The following ASH1L variants were observed in gnomAD, a reference collection of about 807,000 sequenced individuals.
ASH1L encodes the protein ASH1 like histone lysine methyltransferase.
A neutral mutation model predicts 269.0 loss-of-function variants in ASH1L; 23 were observed. That is an observed-to-expected ratio of 0.09 (90% CI 0.06 to 0.12). The LOEUF (loss-of-function observed/expected upper bound fraction) is 0.12. ASH1L is among the 10% of genes least tolerant of loss of function. ASH1L has a pLI of 1.00. For missense variants in ASH1L, 2,912 were observed against 3,567.8 expected, an observed-to-expected ratio of 0.82 and a Z score of 4.68; for synonymous variants, 1,187 against 1,253.5, an observed-to-expected ratio of 0.95 and a Z score of 1.12.
intron 12 of ASH1L, 85 bp downstream of exon 12, chr1:155,370,419 G>C: frequency 6.4e-7 from 1 of 1,557,524 alleles, no homozygotes; most frequent in East Asian, 2.2e-5. Context: ...TGTGTAAGCT[G>C]ACTGACACTG....
chr1:155,419,262 T>G (rs1264534050), intron 5 of ASH1L: 1 of 151,680 alleles, frequency 6.6e-6, no homozygotes, highest in Non-Finnish European at 1.5e-5. Context: ...TAAAAAAGTT[T>G]AGATCTCATA....
rs376400001 is a variant in ASH1L at position 155,492,507 on chromosome 1, G to A, written c.421-10058C>T. 4.6e-5 allele frequency among the ~76,000 whole-genome samples: 7 copies of A among 152,104 alleles called. No individual in the cohort carries two copies. In the East Asian group the frequency reaches 1.4e-3, roughly 29 times the overall value. ...AAGCAGCCTTTATTCCAAAAGGTTT[G>A]CTCATTGTTCTAAGAACATTGCTCA... On this transcript the variant is annotated intron_variant, in intron 2 of 27. Coordinates refer to ENST00000392403, the MANE Select transcript of ASH1L (RefSeq NM_018489.3).
chr1:155,479,028 T>C lies in ASH1L; in HGVS notation c.3842A>G (p.Asn1281Ser). The change falls in exon 3 of 28, where the codon AAT becomes AGT. Residue 1281 changes from asparagine (N) to serine (S), a missense_variant. Physicochemically the swap from Asn to Ser is conservative, Grantham distance 46. This residue lies in a region of ASH1L where 789 missense variants were observed against 897.6 expected (regional missense o/e 0.88). Transcript: ENST00000392403. ...TGCAATAAAGTCTGGATCCTGTCTA[T>C]TTCGAAGCTGGGGATATTTCTTTTT... ...KRKKKYPQLRNRQDPDFIAEL... is the reference protein window; with the variant it reads ...KRKKKYPQLRSRQDPDFIAEL... 6.2e-7 allele frequency: 1 copy of C among 1,613,908 alleles called. No homozygotes were observed. The highest frequency in any genetic ancestry group is 8.5e-7 in the Non-Finnish European group (1 of 1,180,026).
intron 7 of ASH1L, among the ~76,000 whole-genome samples, chr1:155,380,398 T>C (rs918685547): frequency 2.0e-5 from 3 of 151,986 alleles, no homozygotes; most frequent in Non-Finnish European, 4.4e-5. Context: ...TTATTAAATA[T>C]TTTATTATTA....
intron 21 of ASH1L, 191 bp downstream of exon 21, chr1:155,346,192 C>T (rs1653299527): frequency 6.7e-7 from 1 of 1,502,760 alleles, no homozygotes; most frequent in Non-Finnish European, 8.9e-7. Flanking sequence ...ATTTTATTTT[C>T]CCTTTGGTCA....
chr1:155,356,781 C>T (rs1654428158), intron 15 of ASH1L, among the ~76,000 whole-genome samples: 1 of 151,796 alleles, frequency 6.6e-6, no homozygotes, highest in African/African-American at 2.4e-5. Context: ...AATGTTATTT[C>T]ATTTAGAAAT....
intron 12 of ASH1L, among the ~76,000 whole-genome samples, chr1:155,366,935 G>T (rs550696537): frequency 6.7e-6 from 1 of 150,276 alleles, no homozygotes; most frequent in East Asian, 2.0e-4. Flanking sequence ...CTTGGCCTCT[G>T]AAAGTGCTGA....
chr1:155,428,729 C>T (rs1661372392), intron 5 of ASH1L, among the ~76,000 whole-genome samples: 1 of 152,224 alleles, frequency 6.6e-6, no homozygotes, highest in Non-Finnish European at 1.5e-5. Context: ...CCAAACCCAT[C>T]CCTTTATTTC....
chr1:155,365,308 C>G lies in ASH1L; in HGVS notation c.6687-4899G>C, dbSNP rs181797914. ...GCAACCTCCACCTCCTGGGTTCAAG[C>G]GATTCTCCTGCCTCAGCCTCCTGAG... On this transcript the variant is annotated intron_variant, in intron 12 of 27. Coordinates refer to ENST00000392403, the MANE Select transcript of ASH1L (RefSeq NM_018489.3). 4.6e-3 allele frequency among the ~76,000 whole-genome samples: 703 copies of G among 151,300 alleles called. 4 individuals carry two copies. The highest frequency in any genetic ancestry group is 0.031 in the Middle Eastern group (9 of 294).
intron 4 of ASH1L, among the ~76,000 whole-genome samples, chr1:155,445,028 C>T (rs772829136): frequency 7.9e-5 from 12 of 151,944 alleles, no homozygotes; most frequent in East Asian, 1.9e-4. Flanking sequence ...TTATTATTTC[C>T]GAAATTTCAT....
At chr1:155,538,797 T>C (rs576914150) in intron 1 of ASH1L, among the ~76,000 whole-genome samples, 1 of 152,170 alleles carries the variant, frequency 6.6e-6, no homozygotes, top group South Asian at 2.1e-4. Context: ...CATGTGCCAC[T>C]GCACCTGGCT....
intron 1 of ASH1L, among the ~76,000 whole-genome samples, chr1:155,543,733 A>G (rs191505521): frequency 4.3e-3 from 648 of 151,948 alleles, no homozygotes; most frequent in Non-Finnish European, 6.5e-3. Context: ...GGAGTTCAAG[A>G]CAAGCCTGGG....
chr1:155,371,266 G>A (rs1655916352), intron 10 of ASH1L, among the ~76,000 whole-genome samples: 1 of 152,168 alleles, frequency 6.6e-6, no homozygotes, highest in Non-Finnish European at 1.5e-5. Flanking sequence ...CCAAGAATAA[G>A]GCTGGGCAAG....
intron 7 of ASH1L, among the ~76,000 whole-genome samples, chr1:155,391,723 G>A (rs1249486959): frequency 1.4e-4 from 21 of 152,128 alleles, no homozygotes; most frequent in Admixed American, 1.4e-3. Context: ...GGGAGGCTGA[G>A]GTGGGCAAAC....
At chr1:155,341,101 A>G (rs1213122857) in intron 25 of ASH1L, among the ~76,000 whole-genome samples, 2 of 151,648 alleles carry the variant, frequency 1.3e-5, no homozygotes, top group Non-Finnish European at 2.9e-5. Flanking sequence ...TCTCCTGAGT[A>G]GCTAGGATTA....
At chr1:155,342,182 T>C (rs1421375784) in intron 24 of ASH1L, 80 bp from the exon 25 acceptor site, 5 of 1,375,564 alleles carry the variant, frequency 3.6e-6, no homozygotes, top group Non-Finnish European at 5.1e-6. Context: ...TACACACCAA[T>C]GGGAGAGCAG....
chr1:155,354,933 A>G (rs1465489476), intron 15 of ASH1L, among the ~76,000 whole-genome samples: 1 of 152,220 alleles, frequency 6.6e-6, no homozygotes, highest in African/African-American at 2.4e-5. Flanking sequence ...GTCAAGATGA[A>G]GTAGGGTCTC....
At chr1:155,366,998 T>G (rs952098480) in intron 12 of ASH1L, among the ~76,000 whole-genome samples, 3 of 147,802 alleles carry the variant, frequency 2.0e-5, no homozygotes, top group Non-Finnish European at 3.0e-5. Flanking sequence ...GGTTTTTTTT[T>G]TTTTTTTTTT....
intron 2 of ASH1L, among the ~76,000 whole-genome samples, chr1:155,509,512 T>C (rs1311000089): frequency 6.6e-6 from 1 of 152,182 alleles, no homozygotes; most frequent in Admixed American, 6.6e-5. Context: ...AAAAATAGTG[T>C]TGAGGCCGGG....
Sources: gnomAD v4.1 joint callset for allele counts (sites outside exome capture counted in the v4.1 genomes callset) on GRCh38, gnomAD v4.1.1 for gene constraint, gnomAD v4.1.1 regional missense constraint, MANE v1.5 for transcripts, NCBI Gene and HGNC (gene_info 2026-07-23, HGNC 2026-07-21) for gene names.